FBXL17: variants seen among roughly 807,000 people sequenced by gnomAD.
FBXL17 encodes the protein F-box/LRR-repeat protein 17.
Under a neutral mutation model 66.2 loss-of-function variants are expected in FBXL17, and 22 were observed. The ratio of observed to expected loss-of-function variants is 0.33; its 90% confidence interval spans 0.24 to 0.47. FBXL17 has a LOEUF of 0.47. Ranked by LOEUF, FBXL17 falls within the 20% of genes least tolerant of loss-of-function variation. FBXL17 has a pLI of 1.00. For missense variants in FBXL17, 878 were observed against 948.2 expected (o/e 0.93, Z 0.97); for synonymous variants, 474 against 400.5 (o/e 1.18, Z -2.19).
intron 6 of FBXL17, among the ~76,000 whole-genome samples, chr5:108,063,213 T>C (rs1396222439): frequency 1.3e-5 from 2 of 152,046 alleles, no homozygotes; most frequent in Non-Finnish European, 2.9e-5. Flanking sequence ...GAGGAGGCAC[T>C]GTTGAACTCA....
At chr5:108,300,971 T>C (rs1268958734) in intron 4 of FBXL17, among the ~76,000 whole-genome samples, 1 of 151,742 alleles carries the variant, frequency 6.6e-6, no homozygotes, top group Non-Finnish European at 1.5e-5. Flanking sequence ...TATAATTAGA[T>C]CACAGAGAAT....
At chr5:107,908,352 A>T (rs1460176261) in intron 7 of FBXL17, among the ~76,000 whole-genome samples, 1 of 152,220 alleles carries the variant, frequency 6.6e-6, no homozygotes, top group African/African-American at 2.4e-5. Context: ...TTTTTAATTC[A>T]ACAAATGATA....
intron 6 of FBXL17, among the ~76,000 whole-genome samples, chr5:108,153,134 C>T (rs1356921525): frequency 1.3e-5 from 2 of 152,160 alleles, no homozygotes; most frequent in Non-Finnish European, 2.9e-5. Flanking sequence ...GCCTCCCCAG[C>T]CATGTGGAAC....
At position 108,380,974 on chromosome 5, in the gene FBXL17, G is replaced by A. The variant is rs943278920; in HGVS notation, c.718C>T (p.Pro240Ser). ...CAGCAGCCGGCGTCGGGGGGCCGGG[G>A]CGGCGAAGCGCCTCCCCCCGCAGGC... ...GGPAGGGASP[P>S]RPPDAGCCQA... The change falls in exon 1 of 9, where the codon CCC (proline) becomes TCC (serine). Residue 240 changes from proline (P) to serine (S), a missense_variant. Pro to Ser is a moderately conservative substitution (Grantham distance 74, BLOSUM62 -1). Around this residue, in one of 4 missense-constraint regions of FBXL17, gnomAD observed 605 missense variants for 509.5 expected, o/e 1.19. Coordinates refer to ENST00000542267, the MANE Select transcript of FBXL17 (RefSeq NM_001163315.3). The A allele has an allele frequency of 5.8e-6, 7 of 1,217,218 alleles. No individual in the cohort carries two copies. The highest frequency in any genetic ancestry group is 7.2e-6 in the Non-Finnish European group (7 of 977,900). 75.4% of individuals were successfully genotyped at this position (1,217,218 alleles called of 1,614,324 possible).
chr5:107,980,401 A>T (rs1026900035), intron 7 of FBXL17, among the ~76,000 whole-genome samples: 1 of 146,302 alleles, frequency 6.8e-6, no homozygotes, highest in African/African-American at 2.5e-5. Flanking sequence ...TTTACTTAAT[A>T]TTTTTTTTTT....
At chr5:108,310,713 C>CT (rs1177055760) in intron 4 of FBXL17, among the ~76,000 whole-genome samples, 1 of 152,102 alleles carries the variant, frequency 6.6e-6, no homozygotes, top group Non-Finnish European at 1.5e-5. Flanking sequence ...CTGCAGGGCC[C>CT]TTCTCTTATT....
intron 8 of FBXL17, among the ~76,000 whole-genome samples, chr5:107,875,718 A>G (rs1489538563): frequency 6.6e-6 from 1 of 152,286 alleles, no homozygotes; most frequent in East Asian, 1.9e-4. Context: ...ATTTACTAAA[A>G]GAAATCACTA....
chr5:108,003,900 G>A (rs1239305640), intron 7 of FBXL17, among the ~76,000 whole-genome samples: 1 of 152,112 alleles, frequency 6.6e-6, no homozygotes, highest in Non-Finnish European at 1.5e-5. Context: ...TGGGAAAAAG[G>A]CAATGTTTGA....
intron 4 of FBXL17, among the ~76,000 whole-genome samples, chr5:108,337,128 C>T (rs1254157047): frequency 2.0e-5 from 3 of 151,646 alleles, no homozygotes; most frequent in East Asian, 1.9e-4. Flanking sequence ...TGGTGGTGCA[C>T]GCCTGTAGTC....
chr5:107,959,379 T>C (rs1424417179), intron 7 of FBXL17, among the ~76,000 whole-genome samples: 2 of 41,320 alleles, frequency 4.8e-5, no homozygotes, highest in African/African-American at 1.7e-4. Flanking sequence ...AGGGCTGCTA[T>C]AAACACACAC....
At chr5:108,084,642 T>A (rs286782) in intron 6 of FBXL17, among the ~76,000 whole-genome samples, 1 of 152,210 alleles carries the variant, frequency 6.6e-6, no homozygotes, top group African/African-American at 2.4e-5. Flanking sequence ...TTTTATCTCA[T>A]AGGTTTCAAA....
intron 6 of FBXL17, among the ~76,000 whole-genome samples, chr5:108,034,090 T>G (rs1384092870): frequency 1.3e-5 from 2 of 152,198 alleles, no homozygotes; most frequent in Non-Finnish European, 2.9e-5. Flanking sequence ...TTGGGATATC[T>G]TCATGGTTAA....
At chr5:107,959,381 A>AACACACACACAC (rs57041975) in intron 7 of FBXL17, among the ~76,000 whole-genome samples, 4,347 of 147,942 alleles carry the variant, frequency 0.029, 220 homozygotes, top group African/African-American at 0.1. Flanking sequence ...GGCTGCTATA[A>AACACACACACAC]ACACACACAC....
chr5:108,292,969 T>C (rs1456565455), intron 4 of FBXL17, among the ~76,000 whole-genome samples: 1 of 151,852 alleles, frequency 6.6e-6, no homozygotes, highest in East Asian at 1.9e-4. Context: ...CGGGTGCCTG[T>C]AGTCCAAGCT....
intron 6 of FBXL17, among the ~76,000 whole-genome samples, chr5:108,162,449 C>A (rs1018174807): frequency 6.6e-6 from 1 of 152,088 alleles, no homozygotes; most frequent in African/African-American, 2.4e-5. Flanking sequence ...TGACGTATGT[C>A]ACTGCACTCC....
At chr5:108,087,150 T>G (rs1458777841) in intron 6 of FBXL17, among the ~76,000 whole-genome samples, 2 of 152,230 alleles carry the variant, frequency 1.3e-5, no homozygotes, top group Non-Finnish European at 2.9e-5. Context: ...CCTCTGAGCC[T>G]CTGTTTATAT....
At chr5:108,064,693 T>C (rs921749340) in intron 6 of FBXL17, among the ~76,000 whole-genome samples, 2 of 152,238 alleles carry the variant, frequency 1.3e-5, no homozygotes, top group East Asian at 1.9e-4. Flanking sequence ...GCTGAATTGC[T>C]AGTCTTGTCA....
chr5:107,967,171 CT>C (rs1752175393), intron 7 of FBXL17, among the ~76,000 whole-genome samples: 1 of 151,162 alleles, frequency 6.6e-6, no homozygotes, highest in Non-Finnish European at 1.5e-5. Flanking sequence ...ATTTTTTTTT[CT>C]TTTTTTGTAC....
intron 4 of FBXL17, among the ~76,000 whole-genome samples, chr5:108,258,119 CTGGAG>C (rs1261745231): frequency 6.6e-6 from 1 of 152,108 alleles, no homozygotes; most frequent in Non-Finnish European, 1.5e-5. Flanking sequence ...CAGACTGTAT[CTGGAG>C]ATAGGGTCTT....
Sources: allele counts gnomAD v4.1 joint callset (sites outside exome capture counted in the v4.1 genomes callset), GRCh38; gene constraint gnomAD v4.1.1; regional missense constraint gnomAD v4.1.1; transcripts MANE v1.5; gene names NCBI Gene and HGNC (gene_info 2026-07-23, HGNC 2026-07-21).